INTU: variants seen among roughly 807,000 people sequenced by gnomAD.
INTU encodes inturned planar cell polarity protein.
A neutral mutation model predicts 100.5 loss-of-function variants in INTU; 68 were observed. The observed-to-expected ratio is 0.68, with a 90% CI of 0.56 to 0.83. The LOEUF is 0.83. INTU is among the 40% of genes least tolerant of loss of function. The probability of loss-of-function intolerance (pLI) is 0.00; values close to 1 mark genes in which losing one functional copy is unlikely to be tolerated. For missense variants in INTU, 1,071 were observed against 1,114.7 expected, an observed-to-expected ratio of 0.96 and a Z score of 0.56; for synonymous variants, 357 against 395.7, an observed-to-expected ratio of 0.90 and a Z score of 1.16.
chr4:127,668,185 A>G (rs985048618), intron 4 of INTU, among the ~76,000 whole-genome samples: 2 of 152,068 alleles, frequency 1.3e-5, no homozygotes, highest in African/African-American at 4.8e-5. Flanking sequence ...TTAAGTAACA[A>G]CAAAAAATGA....
chr4:127,694,252 T>G (rs1730284017), intron 8 of INTU, among the ~76,000 whole-genome samples: 1 of 152,110 alleles, frequency 6.6e-6, no homozygotes, highest in African/African-American at 2.4e-5. Context: ...TCGCTACTTG[T>G]TATTTGTCTG....
chr4:127,685,053 A>C (rs943395725), intron 7 of INTU, among the ~76,000 whole-genome samples: 1 of 152,086 alleles, frequency 6.6e-6, no homozygotes, highest in Admixed American at 6.6e-5. Flanking sequence ...ATGCACTATT[A>C]TTTAAAAAGA....
At chr4:127,651,234 T>C (rs1033905100) in intron 2 of INTU, among the ~76,000 whole-genome samples, 8 of 152,166 alleles carry the variant, frequency 5.3e-5, no homozygotes, top group African/African-American at 1.9e-4. Flanking sequence ...TAGATCCCAT[T>C]TGTCAATTTT....
At chr4:127,681,175 G>A (rs1385256611) in intron 6 of INTU, among the ~76,000 whole-genome samples, 2 of 152,136 alleles carry the variant, frequency 1.3e-5, no homozygotes, top group Admixed American at 6.5e-5. Context: ...TGGCCATACT[G>A]CCCAAGGTAA....
At position 127,643,691 on chromosome 4, in the gene INTU, A is replaced by C. The variant is rs911647673; in HGVS notation, c.317A>C (p.Lys106Thr). Reference protein sequence around the residue: ...IIEDDYKERKKYEPKLKQFTK... With the variant: ...IIEDDYKERKTYEPKLKQFTK... ...GAAGATGACTACAAAGAAAGAAAAA[A>C]GTATGAACCCAAACTCAAGCAGTTT... Residue 106 changes from lysine to threonine, a missense_variant, in exon 2 of 16, where the codon AAG (lysine) becomes ACG (threonine). Lys to Thr is a moderately conservative substitution (Grantham distance 78). Transcript: ENST00000335251. The C allele has an allele frequency of 6.2e-7, 1 of 1,612,488 alleles. No homozygotes were observed. The highest frequency in any genetic ancestry group is 8.5e-7 in the Non-Finnish European group (1 of 1,179,702).
intron 2 of INTU, among the ~76,000 whole-genome samples, chr4:127,656,079 G>T (rs1728200793): frequency 6.6e-6 from 1 of 152,214 alleles, no homozygotes; most frequent in Non-Finnish European, 1.5e-5. Context: ...CCCTGCTTTG[G>T]CTTGCACACG....
At chr4:127,680,115 G>A (rs1458821155) in intron 6 of INTU, among the ~76,000 whole-genome samples, 1 of 152,110 alleles carries the variant, frequency 6.6e-6, no homozygotes. Flanking sequence ...ATAATCAATA[G>A]CTTACCAACC....
chr4:127,635,119 T>C (rs1727011381), intron 1 of INTU, among the ~76,000 whole-genome samples: 1 of 152,254 alleles, frequency 6.6e-6, no homozygotes, highest in African/African-American at 2.4e-5. Flanking sequence ...TACTGTTTCA[T>C]ACATGCTTTG....
At position 127,705,804 on chromosome 4, in the gene INTU, G is replaced by A; in HGVS notation, c.1780G>A (p.Val594Ile). The A allele has an allele frequency of 6.2e-7, 1 of 1,613,550 alleles. No homozygotes were observed. The highest frequency in any genetic ancestry group is 8.5e-7 in the Non-Finnish European group (1 of 1,179,596). The change falls in exon 11 of 16, where the codon GTT becomes ATT. Residue 594 changes from valine (V) to isoleucine (I), a missense_variant. Physicochemically the swap from Val to Ile is conservative, Grantham distance 29. Coordinates refer to ENST00000335251, the MANE Select transcript of INTU (RefSeq NM_015693.4). Reference sequence around the variant, plus strand: ...TGAAGGAAGATATTTTTTGCTAGTTGTTGGCTTGGTAAGTTTACCTCAGCT... The same window carrying A: ...TGAAGGAAGATATTTTTTGCTAGTTATTGGCTTGGTAAGTTTACCTCAGCT... ...EPEGRYFLLV[V>I]GLKHYMLCVL...
At chr4:127,674,079 C>T in intron 5 of INTU, 45 bp from the exon 6 acceptor site, 1 of 1,247,260 alleles carries the variant, frequency 8.0e-7, no homozygotes, top group Non-Finnish European at 1.2e-6. Context: ...AATTTTATGA[C>T]ATTTAAAGGT....
rs937669455 is a variant in INTU at position 127,719,727 on chromosome 4, A to G, written c.*3291A>G. The stretch of plus-strand genomic sequence containing the variant: ...CAGTCTTGGGAGGGTGTATGTGTCC[A>G]GGAATTTATCCATTTCTTCTAGATT... On this transcript the variant is annotated 3_prime_UTR_variant, in exon 16 of 16. Transcript: ENST00000335251. 22 of 152,164 alleles carry G rather than the reference A, an allele frequency of 1.4e-4. No individual in the cohort carries two copies. Among genetic ancestry groups the G allele is most frequent in the African/African-American group, 5.3e-4 (22 of 41,430 alleles). The allele number at this position is 152,164 out of a possible 1,614,324, so 9.4% of individuals were successfully genotyped here.
At chr4:127,659,124 GC>G (rs1367485460) in intron 3 of INTU, among the ~76,000 whole-genome samples, 4 of 152,156 alleles carry the variant, frequency 2.6e-5, no homozygotes, top group Non-Finnish European at 5.9e-5. Context: ...ATGGGGAGTG[GC>G]TATAAATATG....
chr4:127,638,075 G>A (rs569181688), intron 1 of INTU, among the ~76,000 whole-genome samples: 1 of 152,274 alleles, frequency 6.6e-6, no homozygotes, highest in African/African-American at 2.4e-5. Context: ...TTTAGTAAAT[G>A]ATCAGAAGAC....
intron 1 of INTU, among the ~76,000 whole-genome samples, chr4:127,634,279 G>A (rs1726971077): frequency 6.6e-6 from 1 of 152,208 alleles, no homozygotes; most frequent in South Asian, 2.1e-4. Flanking sequence ...CAAGGCTGCT[G>A]GAAGGAAATA....
At chr4:127,676,277 A>G (rs1729174748) in intron 6 of INTU, among the ~76,000 whole-genome samples, 1 of 152,060 alleles carries the variant, frequency 6.6e-6, no homozygotes, top group Non-Finnish European at 1.5e-5. Flanking sequence ...ATGAAGAACG[A>G]AGGAGTTGTT....
intron 3 of INTU, among the ~76,000 whole-genome samples, chr4:127,657,094 C>T (rs957757135): frequency 6.6e-6 from 1 of 151,874 alleles, no homozygotes; most frequent in African/African-American, 2.4e-5. Context: ...ATCACTGTTG[C>T]TATAATGTTT....
chr4:127,710,801 A>C, intron 13 of INTU, 112 bp from the exon 14 acceptor site: 2 of 556,484 alleles, frequency 3.6e-6, no homozygotes, highest in South Asian at 1.1e-4. Flanking sequence ...TACTACTAAT[A>C]TTATATTGTA....
At chr4:127,662,517 G>A in intron 3 of INTU, among the ~76,000 whole-genome samples, 1 of 152,094 alleles carries the variant, frequency 6.6e-6, no homozygotes, top group South Asian at 2.1e-4. Context: ...AAATGAACGA[G>A]TTATCTTTGA....
rs1731415377 is a variant in INTU at position 127,726,318 on chromosome 4, T to C, written c.*9882T>C. The C allele has an allele frequency of 1.3e-5, 2 of 152,244 alleles. No homozygotes were observed. Among genetic ancestry groups the C allele is most frequent in the Admixed American group, 1.3e-4 (2 of 15,286 alleles). The allele number at this position is 152,244 out of a possible 1,614,324, so 9.4% of individuals were successfully genotyped here. Reference sequence around the variant, plus strand: ...TATTTCTAATACAAATGGGCAAAGCTGTGAAACCAATTTACTAGGTTTTTC... The same window carrying C: ...TATTTCTAATACAAATGGGCAAAGCCGTGAAACCAATTTACTAGGTTTTTC... On this transcript the variant is annotated 3_prime_UTR_variant, in exon 16 of 16. Transcript: ENST00000335251.
Sources: allele counts gnomAD v4.1 joint callset (sites outside exome capture counted in the v4.1 genomes callset), GRCh38; gene constraint gnomAD v4.1.1; transcripts MANE v1.5; gene names NCBI Gene and HGNC (gene_info 2026-07-23, HGNC 2026-07-21).